Variants in DTYMK observed in about 807,000 individuals in gnomAD.
DTYMK encodes deoxythymidylate kinase.
Under a neutral mutation model 20.3 loss-of-function variants are expected in DTYMK, and 20 were observed. The observed-to-expected ratio is 0.99, with a 90% confidence interval of 0.69 to 1.43. The LOEUF is 1.43. Among genes scored for constraint, DTYMK ranks in the 40% most tolerant of loss-of-function variants. The pLI is 0.00. For synonymous variants in DTYMK, 148 were observed against 124.4 expected (o/e 1.19, Z -1.27); for missense variants, 320 against 291.1 (o/e 1.10, Z -0.72).
chr2:241,679,445 G>C (rs1374457724), intron 3 of DTYMK, among the ~76,000 whole-genome samples: 1 of 152,232 alleles, frequency 6.6e-6, no homozygotes, highest in Non-Finnish European at 1.5e-5. Context: ...AAGGACTCAA[G>C]CTAACACATG....
chr2:241,680,137 T>A, intron 3 of DTYMK, 92 bp downstream of exon 3: 1 of 1,188,984 alleles, frequency 8.4e-7, no homozygotes, highest in Non-Finnish European at 1.2e-6. Context: ...CTCTGCAGAG[T>A]AATCTGAGGC....
chr2:241,682,649 T>C (rs140414018), intron 2 of DTYMK: 5,233 of 174,394 alleles, frequency 0.03, 118 homozygotes, highest in Middle Eastern at 0.09. Flanking sequence ...TGGCCGGGCA[T>C]GGTGGCTCGT....
Position 241,685,753 on chromosome 2 carries a change from G to A in DTYMK, c.239+16C>T. On this transcript the variant is annotated intron_variant, in intron 2 of 4. Transcript: ENST00000305784. The stretch of plus-strand genomic sequence containing the variant: ...AAGTGGCAAGGGCAGAGGGAGCAGT[G>A]TGCAATGGTTTTTACACTTGTTCCC... 1.2e-6 allele frequency: 2 copies of A among 1,611,616 alleles called. No homozygotes were observed. The highest frequency in any genetic ancestry group is 1.7e-6 in the Non-Finnish European group (2 of 1,177,746).
chr2:241,680,264 C>T lies in DTYMK; in HGVS notation c.295G>A (p.Ala99Thr), dbSNP rs887888951. 20 of 1,614,032 alleles carry T rather than the reference C, an allele frequency of 1.2e-5. No homozygotes were observed. The highest frequency in any genetic ancestry group is 6.7e-5 in the East Asian group (3 of 44,886). Residue 99 changes from alanine to threonine, a missense_variant, in exon 3 of 5, where the codon GCA becomes ACA. Physicochemically the swap from Ala to Thr is moderately conservative, Grantham distance 58. Transcript: ENST00000305784. ...QGVTLVVDRY[A>T]FSGVAFTGAK... ...CCGGTGAAGGCCACACCAGAAAATGCGTATCTGTCCACGACGAGGGTCACG... is the reference window on the plus strand; with the variant it reads ...CCGGTGAAGGCCACACCAGAAAATGTGTATCTGTCCACGACGAGGGTCACG...
In DTYMK at chr2:241,676,145, C is replaced by G. The variant is rs2069109398; in HGVS notation, c.621G>C (p.Leu207=). 2 of 1,612,354 alleles carry G rather than the reference C, an allele frequency of 1.2e-6. No individual in the cohort carries two copies. Among genetic ancestry groups the G allele is most frequent in the East Asian group, 2.2e-5 (1 of 44,822 alleles). Reference sequence around the variant, plus strand: ...CCTTGGGTCACTTCCATAGCTCCCCCAGCGGCTTCTCTGTGGCAGTGCGGA... The same window carrying G: ...CCTTGGGTCACTTCCATAGCTCCCCGAGCGGCTTCTCTGTGGCAGTGCGGA... The part of the protein sequence containing the change: ...DAIRTATEKP[L]GELWK Residue 207 remains leucine (L), a synonymous_variant, in exon 5 of 5, where the codon CTG becomes CTC. Coordinates refer to ENST00000305784, the MANE Select transcript of DTYMK (RefSeq NM_012145.4).
rs2069423567 is a variant in DTYMK, at chr2:241,686,709, C to G, written c.75G>C (p.Lys25Asn). ...CCGCGGCGCACAGCGCTTCCACCAG[C>G]TTGCGGCTCTGCGTGCTCTTCCCGG... ...DRAGKSTQSR[K>N]LVEALCAAGH... is the part of the protein sequence containing the mutation. The change falls in exon 1 of 5, where the codon AAG (lysine) becomes AAC (asparagine). Residue 25 changes from lysine (K) to asparagine (N), a missense_variant. Lys to Asn is a moderately conservative substitution (Grantham distance 94, BLOSUM62 0). Coordinates refer to ENST00000305784, the MANE Select transcript of DTYMK (RefSeq NM_012145.4). The G allele has an allele frequency of 4.5e-6, 7 of 1,543,672 alleles. No homozygotes were observed. The highest frequency in any genetic ancestry group is 6.0e-6 in the Non-Finnish European group (7 of 1,157,544).
intron 2 of DTYMK, chr2:241,682,293 A>G (rs1164508037): frequency 2.2e-6 from 1 of 453,150 alleles, no homozygotes. Context: ...GTAAGCTGTG[A>G]TTGCGCACTG....
rs139227304 is a variant in DTYMK at position 241,678,553 on chromosome 2, G to A, written c.427C>T (p.Arg143Trp). The change falls in exon 4 of 5, where the codon CGG becomes TGG. Residue 143 changes from arginine (R) to tryptophan (W), a missense_variant. Coordinates refer to ENST00000305784, the MANE Select transcript of DTYMK (RefSeq NM_012145.4). ...TAGCGCTCATGGCCAAACGCTCCCC[G>A]CTTGGCAGCATCCGCCAGCTGTAAC... is the stretch of plus-strand genomic sequence containing the variant. Reference protein sequence around the residue: ...LQLQLADAAKRGAFGHERYEN... With the variant: ...LQLQLADAAKWGAFGHERYEN... 23 of 1,614,050 alleles carry A rather than the reference G, an allele frequency of 1.4e-5. No individual in the cohort carries two copies. The highest frequency in any genetic ancestry group is 1.7e-5 in the Non-Finnish European group (20 of 1,180,050).
intron 2 of DTYMK, chr2:241,681,941 G>A: frequency 3.8e-6 from 1 of 264,080 alleles, no homozygotes; most frequent in Non-Finnish European, 7.5e-6. Context: ...CTACTCCAGA[G>A]GCTGAGGCAG....
Position 241,680,292 on chromosome 2 carries a change from C to A in DTYMK, c.267G>T (p.Gln89His). The change falls in exon 3 of 5, where the codon CAG becomes CAT. Residue 89 changes from glutamine to histidine, a missense_variant. Gln to His is a conservative substitution (Grantham distance 24). Transcript: ENST00000305784. ...ATCTGTCCACGACGAGGGTCACGCC[C>A]TGGCTCAACTTTTCCTTAATTAACG... ...QVPLIKEKLS[Q>H]GVTLVVDRYA... 1 of 1,614,162 alleles carries A rather than the reference C, an allele frequency of 6.2e-7. No homozygotes were observed. Among genetic ancestry groups the A allele is most frequent in the Non-Finnish European group, 8.5e-7 (1 of 1,180,018 alleles).
intron 4 of DTYMK, among the ~76,000 whole-genome samples, chr2:241,677,353 G>GACTGCCAGAGAGAATGCCGC (rs1318190789): frequency 2.0e-5 from 3 of 152,236 alleles, no homozygotes; most frequent in Non-Finnish European, 4.4e-5. Flanking sequence ...CGGGCGGAAT[G>GACTGCCAGAGAGAATGCCGC]ACTGCCAGAG....
intron 3 of DTYMK, among the ~76,000 whole-genome samples, chr2:241,679,546 A>C (rs1283494497): frequency 6.6e-6 from 1 of 152,162 alleles, no homozygotes; most frequent in African/African-American, 2.4e-5. Flanking sequence ...AAGCGGGAGG[A>C]TCACTTGGGC....
chr2:241,680,447 C>T (rs1363721739), intron 2 of DTYMK, 128 bp from the exon 3 acceptor site: 65 of 902,996 alleles, frequency 7.2e-5, no homozygotes, highest in South Asian at 9.2e-5. Flanking sequence ...GAGGCTGAGG[C>T]GGGCGGATCA....
At chr2:241,678,396 G>C in intron 4 of DTYMK, 56 bp downstream of exon 4, 5 of 1,607,392 alleles carry the variant, frequency 3.1e-6, no homozygotes, top group Non-Finnish European at 4.3e-6. Context: ...AGCCACCACG[G>C]TGTCATCCTG....
intron 1 of DTYMK, 82 bp downstream of exon 1, chr2:241,686,572 C>G: frequency 7.2e-7 from 1 of 1,397,046 alleles, no homozygotes; most frequent in Non-Finnish European, 9.2e-7. Flanking sequence ...ACGCCAGCCG[C>G]AGACAACGAA....
chr2:241,686,360 A>AC (rs1311637385), intron 1 of DTYMK, among the ~76,000 whole-genome samples: 1 of 152,096 alleles, frequency 6.6e-6, no homozygotes, highest in East Asian at 1.9e-4. Flanking sequence ...TCATCACCAT[A>AC]CCCCGCACTT....
chr2:241,683,190 G>T (rs539028088), intron 2 of DTYMK, among the ~76,000 whole-genome samples: 1 of 152,324 alleles, frequency 6.6e-6, no homozygotes, highest in East Asian at 1.9e-4. Flanking sequence ...TGTCAGCAGG[G>T]AAATGCAAAC....
intron 2 of DTYMK, chr2:241,682,170 T>C: frequency 2.3e-6 from 1 of 442,276 alleles, no homozygotes; most frequent in Non-Finnish European, 4.5e-6. Context: ...TGAGACTCCA[T>C]CGCTACAAAA....
chr2:241,677,186 C>T (rs997228697), intron 4 of DTYMK, among the ~76,000 whole-genome samples: 1 of 152,176 alleles, frequency 6.6e-6, no homozygotes, highest in African/African-American at 2.4e-5. Context: ...CTGCCAGGGG[C>T]GTAGAAGGCA....
Sources: gnomAD v4.1 joint callset for allele counts (sites outside exome capture counted in the v4.1 genomes callset) on GRCh38, gnomAD v4.1.1 for gene constraint, MANE v1.5 for transcripts, NCBI Gene and HGNC (gene_info 2026-07-23, HGNC 2026-07-21) for gene names.